The following SLIT3 variants were observed in gnomAD, a reference collection of about 807,000 sequenced individuals.
SLIT3 encodes the protein slit guidance ligand 3, also known as slit homolog 3 protein.
In SLIT3, 68 loss-of-function variants were observed where a neutral mutation model predicts 184.0. The observed-to-expected ratio is 0.37, with a 90% CI of 0.30 to 0.45. The LOEUF (loss-of-function observed/expected upper bound fraction) is 0.45. SLIT3 is among the 20% of genes least tolerant of loss of function. SLIT3 has a pLI of 1.00. For missense variants in SLIT3, 1,707 were observed against 2,026.0 expected (o/e 0.84, Z 3.02); for synonymous variants, 831 against 828.6 (o/e 1.00, Z -0.05).
At chr5:168,928,109 A>G (rs540053044) in intron 4 of SLIT3, among the ~76,000 whole-genome samples, 13 of 152,294 alleles carry the variant, frequency 8.5e-5, no homozygotes, top group African/African-American at 3.1e-4. Flanking sequence ...TACCCAGGAG[A>G]GTGCTTGACA....
intron 29 of SLIT3, among the ~76,000 whole-genome samples, chr5:168,688,343 C>T (rs1761808937): frequency 6.6e-6 from 1 of 152,116 alleles, no homozygotes; most frequent in African/African-American, 2.4e-5. Context: ...TGGGGGGAAG[C>T]AAGCTCTCTA....
intron 4 of SLIT3, among the ~76,000 whole-genome samples, chr5:169,075,102 C>T (rs985440428): frequency 4.6e-5 from 7 of 151,954 alleles, no homozygotes; most frequent in African/African-American, 1.2e-4. Flanking sequence ...AATACATCAC[C>T]GAGAGACTCT....
intron 4 of SLIT3, among the ~76,000 whole-genome samples, chr5:169,086,143 G>T (rs1385983393): frequency 1.3e-5 from 2 of 152,270 alleles, no homozygotes; most frequent in South Asian, 4.2e-4. Flanking sequence ...CAAGGCCAAG[G>T]GGCACAAATA....
At chr5:169,088,209 G>A (rs550828728) in intron 4 of SLIT3, among the ~76,000 whole-genome samples, 1 of 152,226 alleles carries the variant, frequency 6.6e-6, no homozygotes, top group East Asian at 1.9e-4. Flanking sequence ...GCAGTGTGTC[G>A]GCTGGCCGTA....
At chr5:168,687,254 G>T in intron 29 of SLIT3, 138 bp from the exon 30 acceptor site, 1 of 962,188 alleles carries the variant, frequency 1.0e-6, no homozygotes, top group Non-Finnish European at 1.6e-6. Context: ...GCAAAGCCTG[G>T]CTCCACAGCA....
chr5:168,746,956 G>GGTGTGGTGGTGTGTGGT (rs1561907961), intron 20 of SLIT3, among the ~76,000 whole-genome samples: 45 of 135,948 alleles, frequency 3.3e-4, no homozygotes, highest in Admixed American at 1.1e-3. Flanking sequence ...TGGTGGTGTG[G>GGTGTGGTGGTGTGTGGT]GTGTGGTGGT....
At chr5:169,198,186 A>T (rs1024180367) in intron 3 of SLIT3, among the ~76,000 whole-genome samples, 1 of 152,270 alleles carries the variant, frequency 6.6e-6, no homozygotes, top group African/African-American at 2.4e-5. Context: ...CTTCTTTTAA[A>T]AATGTCATAT....
intron 6 of SLIT3, among the ~76,000 whole-genome samples, chr5:168,825,387 C>T (rs898050334): frequency 6.6e-5 from 10 of 152,170 alleles, no homozygotes; most frequent in African/African-American, 2.2e-4. Context: ...CCAGACTATC[C>T]GTGTAATCCC....
chr5:169,081,396 C>T (rs1400945378), intron 4 of SLIT3, among the ~76,000 whole-genome samples: 1 of 152,178 alleles, frequency 6.6e-6, no homozygotes, highest in Non-Finnish European at 1.5e-5. Context: ...GTTCATAATT[C>T]ATCTTAATGA....
At chr5:169,045,949 A>C (rs1191566320) in intron 4 of SLIT3, among the ~76,000 whole-genome samples, 2 of 152,210 alleles carry the variant, frequency 1.3e-5, no homozygotes, top group Non-Finnish European at 2.9e-5. Flanking sequence ...ATCTCTAGGG[A>C]TACAACAGGC....
At chr5:168,883,408 A>G (rs1760029967) in intron 4 of SLIT3, 72 bp from the exon 5 acceptor site, 2 of 1,181,542 alleles carry the variant, frequency 1.7e-6, no homozygotes, top group Non-Finnish European at 2.5e-6. Context: ...ATTAAATGAT[A>G]ACAATCCCCC....
chr5:168,677,875 G>T (rs1488493540), intron 32 of SLIT3, among the ~76,000 whole-genome samples: 1 of 152,166 alleles, frequency 6.6e-6, no homozygotes. Context: ...CAACTGGGGT[G>T]GGGGAGTAGG....
chr5:168,995,485 C>T (rs191761722), intron 4 of SLIT3: 17 of 152,252 alleles, frequency 1.1e-4, no homozygotes, highest in Admixed American at 5.2e-4. Flanking sequence ...TTTGTCTTCC[C>T]CAGGTACTCA....
intron 3 of SLIT3, among the ~76,000 whole-genome samples, chr5:169,223,316 C>T (rs1764680498): frequency 6.6e-6 from 1 of 152,218 alleles, no homozygotes; most frequent in Non-Finnish European, 1.5e-5. Flanking sequence ...GAACGAGTGA[C>T]TGAATCTGCA....
chr5:169,172,857 T>C (rs531834925), intron 4 of SLIT3, among the ~76,000 whole-genome samples: 2 of 152,114 alleles, frequency 1.3e-5, no homozygotes, highest in South Asian at 4.2e-4. Flanking sequence ...AGTCTCGGAG[T>C]TGGAGTATGG....
intron 23 of SLIT3, 66 bp downstream of exon 23, chr5:168,722,190 G>A: frequency 7.0e-7 from 1 of 1,421,692 alleles, no homozygotes; most frequent in South Asian, 1.2e-5. Flanking sequence ...GAAGGGGAGT[G>A]CTTAGTCTGC....
chr5:169,098,171 C>T (rs947911607), intron 4 of SLIT3, among the ~76,000 whole-genome samples: 42 of 152,120 alleles, frequency 2.8e-4, no homozygotes, highest in African/African-American at 9.6e-4. Context: ...GGTTTCATGC[C>T]TTAGAGTTAA....
chr5:168,844,705 GGGCCGGCGGCCCA>G (rs1561963979), intron 5 of SLIT3, 50 bp from the exon 6 acceptor site: 1 of 1,583,140 alleles, frequency 6.3e-7, no homozygotes, highest in East Asian at 2.2e-5. Context: ...GCAGCGTGAG[GGGCCGGCGGCCCA>G]GGCCACCCGA....
At chr5:168,893,509 G>C (rs190014628) in intron 4 of SLIT3, among the ~76,000 whole-genome samples, 4 of 152,106 alleles carry the variant, frequency 2.6e-5, no homozygotes, top group African/African-American at 9.7e-5. Context: ...GGGGAGGAGA[G>C]GGGGAGGCAA....
Sources: gnomAD v4.1 joint callset for allele counts (sites outside exome capture counted in the v4.1 genomes callset) on GRCh38, gnomAD v4.1.1 for gene constraint, MANE v1.5 for transcripts, NCBI Gene and HGNC (gene_info 2026-07-23, HGNC 2026-07-21) for gene names.